POLN: variants seen among roughly 807,000 people sequenced by gnomAD.
POLN encodes DNA polymerase N.
POLN carries 108 observed loss-of-function variants against 113.5 expected under a neutral mutation model. That is an observed-to-expected ratio of 0.95 (90% CI 0.81 to 1.12). POLN has a LOEUF of 1.12. Ranked by LOEUF, POLN falls within the 50% of genes most tolerant of loss-of-function variation. The pLI, the probability that POLN is intolerant of heterozygous loss-of-function variation, is 0.00. For missense variants in POLN, 1,097 were observed against 1,077.1 expected (o/e 1.02, Z -0.26); for synonymous variants, 386 against 391.5 (o/e 0.99, Z 0.17).
chr4:2,148,651 A>G (rs1732210051), intron 16 of POLN, among the ~76,000 whole-genome samples: 1 of 137,198 alleles, frequency 7.3e-6, no homozygotes, highest in Admixed American at 7.5e-5. Context: ...TGGGCGACAG[A>G]GCGAGACTCT....
At chr4:2,236,494 C>G (rs778560580) in intron 2 of POLN, 10 of 1,399,786 alleles carry the variant, frequency 7.1e-6, no homozygotes, top group Non-Finnish European at 6.0e-6. Flanking sequence ...GAAAAATTAT[C>G]AAGTCAGTAT....
At chr4:2,209,315 A>T (rs536011898) in intron 4 of POLN, among the ~76,000 whole-genome samples, 46 of 151,850 alleles carry the variant, frequency 3.0e-4, no homozygotes, top group African/African-American at 9.9e-4. Context: ...CCTCGTCTCT[A>T]CTAAGAATAC....
chr4:2,072,518 G>A (rs753701614), intron 25 of POLN, among the ~76,000 whole-genome samples: 18 of 152,190 alleles, frequency 1.2e-4, no homozygotes, highest in African/African-American at 1.7e-4. Flanking sequence ...ACGACACCTC[G>A]ATCTTGGCGG....
At chr4:2,168,730 G>C (rs1190553979) in intron 13 of POLN, among the ~76,000 whole-genome samples, 2 of 152,210 alleles carry the variant, frequency 1.3e-5, no homozygotes, top group African/African-American at 4.8e-5. Flanking sequence ...CATGTCCACT[G>C]TGTGGTGTTG....
At chr4:2,085,814 A>G (rs1730537204) in intron 20 of POLN, 70 bp from the exon 21 acceptor site, 1 of 1,590,616 alleles carries the variant, frequency 6.3e-7, no homozygotes. Context: ...GGGCTCAGTG[A>G]GTCAGGTCCA....
chr4:2,142,159 T>G (rs1002166485), intron 16 of POLN, among the ~76,000 whole-genome samples: 1 of 152,212 alleles, frequency 6.6e-6, no homozygotes, highest in Admixed American at 6.5e-5. Flanking sequence ...ATTCAAAAAT[T>G]AACAAAACAA....
At chr4:2,130,782 C>T (rs59716624) in intron 17 of POLN, among the ~76,000 whole-genome samples, 16,525 of 152,126 alleles carry the variant, frequency 0.11, 3,025 homozygotes, top group African/African-American at 0.38. Flanking sequence ...AGCTGTTTTT[C>T]ATTCTTTCAA....
intron 19 of POLN, among the ~76,000 whole-genome samples, chr4:2,117,230 G>A (rs1167751150): frequency 1.3e-5 from 2 of 152,196 alleles, no homozygotes; most frequent in Admixed American, 6.5e-5. Flanking sequence ...AGTGATACAC[G>A]TCATTTCCAT....
chr4:2,078,842 T>A (rs1730337802), intron 23 of POLN: 1 of 985,348 alleles, frequency 1.0e-6, no homozygotes, highest in African/African-American at 1.7e-5. Context: ...GTGTCCAGCT[T>A]TCAGAAGGAC....
intron 21 of POLN, 94 bp downstream of exon 21, chr4:2,085,519 C>T (rs1412513745): frequency 1.5e-5 from 23 of 1,543,692 alleles, no homozygotes; most frequent in Non-Finnish European, 1.8e-5. Context: ...CCTCAGGACC[C>T]AGGGCCCGCC....
Position 2,198,624 on chromosome 4 carries a change from C to T in POLN, c.808G>A (p.Val270Ile). 6.2e-7 allele frequency: 1 copy of T among 1,614,018 alleles called. No homozygotes were observed. The highest frequency in any genetic ancestry group is 8.5e-7 in the Non-Finnish European group (1 of 1,180,000). ...GCPDAPACGPVLEGFVSDDPC... is the reference protein window; with the variant it reads ...GCPDAPACGPILEGFVSDDPC... Reference sequence around the variant, plus strand: ...TCATCTGACACAAAGCCCTCCAGAACAGGACCACAGGCCGGGGCATCTGGA... The same window carrying T: ...TCATCTGACACAAAGCCCTCCAGAATAGGACCACAGGCCGGGGCATCTGGA... The change falls in exon 6 of 26, where the codon GTT (valine) becomes ATT (isoleucine). Residue 270 changes from valine (V) to isoleucine (I), a missense_variant. Coordinates refer to ENST00000511885, the MANE Select transcript of POLN (RefSeq NM_181808.4).
intron 19 of POLN, among the ~76,000 whole-genome samples, chr4:2,120,930 T>A (rs1731423998): frequency 6.6e-6 from 1 of 152,238 alleles, no homozygotes; most frequent in African/African-American, 2.4e-5. Flanking sequence ...ACTTATTAGT[T>A]CTAAGAGTTA....
At position 2,159,166 on chromosome 4, in the gene POLN, C is replaced by A. The variant is rs1240760691; in HGVS notation, c.1600G>T (p.Glu534Ter). 6.2e-6 allele frequency: 10 copies of A among 1,607,786 alleles called. No homozygotes were observed. The highest frequency in any genetic ancestry group is 8.5e-6 in the Non-Finnish European group (10 of 1,174,742). Residue 534 changes from glutamate (E) to a stop codon, truncating the protein, a stop_gained, in exon 14 of 26, where the codon GAA becomes TAA. Coordinates refer to ENST00000511885, the MANE Select transcript of POLN (RefSeq NM_181808.4). LOFTEE classifies it high-confidence loss of function. ...DLHPLPKIIL[E>*]YRQVHKIKST... ...AAAAATTAACTTACCTGCCTGTATT[C>A]CAAAATTATCTTGGGTAATGGATGA...
intron 19 of POLN, among the ~76,000 whole-genome samples, chr4:2,106,696 C>T (rs182541881): frequency 9.5e-4 from 144 of 152,222 alleles, no homozygotes; most frequent in African/African-American, 3.4e-3. Flanking sequence ...ATACTAAATG[C>T]TTATACATAT....
At chr4:2,238,470 GA>G (rs1414661656) in intron 2 of POLN, 25 of 515,400 alleles carry the variant, frequency 4.9e-5, no homozygotes, top group Middle Eastern at 5.2e-4. Context: ...TATGAAAATG[GA>G]AAAAAAATAG....
chr4:2,163,759 G>T (rs1451381779), intron 13 of POLN, among the ~76,000 whole-genome samples: 1 of 152,218 alleles, frequency 6.6e-6, no homozygotes, highest in East Asian at 1.9e-4. Context: ...TCCGGGCAGG[G>T]CAGAGGACCA....
intron 19 of POLN, among the ~76,000 whole-genome samples, chr4:2,120,053 C>A (rs557993281): frequency 6.6e-6 from 1 of 152,240 alleles, no homozygotes; most frequent in East Asian, 1.9e-4. Flanking sequence ...TGTCAAAAAT[C>A]GGTTAAGCAT....
intron 6 of POLN, among the ~76,000 whole-genome samples, chr4:2,198,189 G>A (rs1733626408): frequency 6.6e-6 from 1 of 152,330 alleles, no homozygotes; most frequent in Admixed American, 6.5e-5. Context: ...GAATGAACAA[G>A]TATGATAAGG....
At chr4:2,154,737 G>C (rs1732382416) in intron 16 of POLN, among the ~76,000 whole-genome samples, 2 of 152,160 alleles carry the variant, frequency 1.3e-5, no homozygotes, top group South Asian at 4.1e-4. Flanking sequence ...GTATTGCTAT[G>C]ATAAAGTACA....
Sources: gnomAD v4.1 joint callset for allele counts (sites outside exome capture counted in the v4.1 genomes callset) on GRCh38, gnomAD v4.1.1 for gene constraint, MANE v1.5 for transcripts, NCBI Gene and HGNC (gene_info 2026-07-23, HGNC 2026-07-21) for gene names.